The following PVALB variants were observed in gnomAD, a reference collection of about 807,000 sequenced individuals.
PVALB encodes the protein parvalbumin alpha.
In PVALB, 11 loss-of-function variants were observed where a neutral mutation model predicts 10.9. The ratio of observed to expected loss-of-function variants is 1.01; its 90% CI spans 0.63 to 1.67. The LOEUF (loss-of-function observed/expected upper bound fraction) is 1.67, where lower values mean the gene tolerates loss of function less well. PVALB is among the 40% of genes most tolerant of loss of function. PVALB has a pLI of 0.00. For synonymous variants in PVALB, 57 were observed against 50.7 expected (o/e 1.12, Z -0.53); for missense variants, 131 against 136.2 (o/e 0.96, Z 0.19).
chr22:36,815,567 C>T (rs1387752740), intron 1 of PVALB, among the ~76,000 whole-genome samples: 4 of 152,100 alleles, frequency 2.6e-5, no homozygotes, highest in Admixed American at 6.6e-5. Flanking sequence ...GAACCTTGTG[C>T]CCAGGAAGAC....
rs2001063 is a variant in PVALB, at chr22:36,800,927, C to G, written c.305-9G>C. On this transcript the variant is annotated splice_polypyrimidine_tract_variant and intron_variant, in intron 3 of 3. Transcript: ENST00000417718. ...CACCAGAGTGGAGAATTCTGCAGAACAAAATGACAAGGAAAGTGAGTCAGA... is the reference window on the plus strand; with the variant it reads ...CACCAGAGTGGAGAATTCTGCAGAAGAAAATGACAAGGAAAGTGAGTCAGA... The G allele has an allele frequency of 1.2e-6, 2 of 1,607,430 alleles. No homozygotes were observed. Among genetic ancestry groups the G allele is most frequent in the Admixed American group, 1.7e-5 (1 of 59,938 alleles).
In PVALB at chr22:36,806,571, C is replaced by T. The variant is rs568325826; in HGVS notation, c.305-5653G>A. On this transcript the variant is annotated intron_variant, in intron 3 of 3. Coordinates refer to ENST00000417718, the MANE Select transcript of PVALB (RefSeq NM_001315532.2). ...GTCGTGATGACCGGGATGAAGGAGC[C>T]GGCCTCCTGGTTTATCACCTCACCT... 1.4e-4 allele frequency among the ~76,000 whole-genome samples: 22 copies of T among 152,210 alleles called. No individual in the cohort carries two copies. In the East Asian group the frequency reaches 1.5e-3, roughly 11 times the overall value.
Position 36,813,756 on chromosome 22 carries a change from C to A in PVALB, c.195-1G>T. ...TGGGGAGAAGCCTTTTAGGATGAAT[C>A]TGGAGGAGAAAAGGGAGAAAGCCGG... On this transcript the variant is annotated splice_acceptor_variant, in intron 2 of 3. Transcript: ENST00000417718. LOFTEE classifies it high-confidence loss of function. 1 of 1,608,276 alleles carries A rather than the reference C, an allele frequency of 6.2e-7. No individual in the cohort carries two copies. Among genetic ancestry groups the A allele is most frequent in the Non-Finnish European group, 8.5e-7 (1 of 1,174,786 alleles).
intron 3 of PVALB, among the ~76,000 whole-genome samples, chr22:36,805,186 A>C (rs1938930728): frequency 6.6e-6 from 1 of 152,172 alleles, no homozygotes; most frequent in Non-Finnish European, 1.5e-5. Flanking sequence ...TGTTTGGAGC[A>C]AGCAAGCTGG....
At chr22:36,811,525 C>T (rs1939046240) in intron 3 of PVALB, 3 of 464,150 alleles carry the variant, frequency 6.5e-6, no homozygotes, top group Non-Finnish European at 1.3e-5. Flanking sequence ...TCTGCTGGAT[C>T]TGTTAGAAGA....
chr22:36,814,929 G>A (rs892222582), intron 2 of PVALB, among the ~76,000 whole-genome samples, 174 bp downstream of exon 2: 2 of 152,154 alleles, frequency 1.3e-5, no homozygotes, highest in Non-Finnish European at 2.9e-5. Context: ...AATAGCACCA[G>A]GAAGCCTTCT....
At chr22:36,802,066 G>C (rs1938873470) in intron 3 of PVALB, among the ~76,000 whole-genome samples, 1 of 152,166 alleles carries the variant, frequency 6.6e-6, no homozygotes, top group South Asian at 2.1e-4. Context: ...TTTGAGGTGA[G>C]CTGCGTCCTC....
intron 1 of PVALB, chr22:36,816,461 A>G (rs1939140127): frequency 6.4e-6 from 1 of 155,094 alleles, no homozygotes; most frequent in Non-Finnish European, 1.4e-5. Flanking sequence ...GAATCTCAGT[A>G]AAGGAACTAG....
intron 3 of PVALB, among the ~76,000 whole-genome samples, chr22:36,803,707 G>A (rs569561034): frequency 6.7e-6 from 1 of 149,364 alleles, no homozygotes; most frequent in Non-Finnish European, 1.5e-5. Flanking sequence ...ATGGATGGAT[G>A]GATGGGTGGG....
At chr22:36,801,014 G>T in intron 3 of PVALB, 96 bp from the exon 4 acceptor site, 2 of 1,239,378 alleles carry the variant, frequency 1.6e-6, no homozygotes, top group Non-Finnish European at 2.4e-6. Flanking sequence ...TGCTCTCTCT[G>T]GGTTCTTGCT....
chr22:36,814,982 A>G, intron 2 of PVALB, 121 bp downstream of exon 2: 2 of 1,322,908 alleles, frequency 1.5e-6, no homozygotes, highest in East Asian at 2.5e-5. Context: ...ACGCACGGTT[A>G]CTTTCTGTGA....
Position 36,815,243 on chromosome 22 carries a change from G to C in PVALB, c.62-8C>G, listed in dbSNP as rs201649417. 6.2e-7 allele frequency: 1 copy of C among 1,614,120 alleles called. No homozygotes were observed. Among genetic ancestry groups the C allele is most frequent in the Non-Finnish European group, 8.5e-7 (1 of 1,179,964 alleles). ...GGTCGAAGGAGTCGGTAGCTGTGGGGGGAAGAGCAGGGTCAAACAAGGACC... is the reference window on the plus strand; with the variant it reads ...GGTCGAAGGAGTCGGTAGCTGTGGGCGGAAGAGCAGGGTCAAACAAGGACC... On this transcript the variant is annotated splice_region_variant and splice_polypyrimidine_tract_variant and intron_variant, in intron 1 of 3. Transcript: ENST00000417718.
intron 3 of PVALB, among the ~76,000 whole-genome samples, chr22:36,809,970 C>T (rs1283329001): frequency 1.3e-5 from 2 of 151,754 alleles, no homozygotes; most frequent in Non-Finnish European, 2.9e-5. Context: ...CTGCAACCTC[C>T]GCCTCCTGGG....
intron 3 of PVALB, 63 bp downstream of exon 3, chr22:36,813,583 A>C: frequency 7.2e-7 from 1 of 1,379,988 alleles, no homozygotes; most frequent in South Asian, 1.2e-5. Flanking sequence ...ATAGCTTCAA[A>C]CTTTTCGCAT....
chr22:36,804,792 G>A (rs1297617643), intron 3 of PVALB, among the ~76,000 whole-genome samples: 4 of 152,106 alleles, frequency 2.6e-5, no homozygotes, highest in African/African-American at 9.7e-5. Context: ...AAGTCAGCCG[G>A]GAGTGGTGGC....
chr22:36,809,774 G>T (rs1048335031), intron 3 of PVALB, among the ~76,000 whole-genome samples: 5 of 151,006 alleles, frequency 3.3e-5, no homozygotes, highest in African/African-American at 9.7e-5. Flanking sequence ...CTGTGTAGAG[G>T]TTTATCCACT....
intron 3 of PVALB, among the ~76,000 whole-genome samples, chr22:36,812,442 G>A (rs1939060869): frequency 6.6e-6 from 1 of 152,158 alleles, no homozygotes; most frequent in African/African-American, 2.4e-5. Context: ...CCCTTGCGAA[G>A]GGACCTAGTT....
chr22:36,811,407 G>C, intron 3 of PVALB: 1 of 456,180 alleles, frequency 2.2e-6, no homozygotes, highest in Non-Finnish European at 4.6e-6. Context: ...TGAGGAAGCT[G>C]GGGCTCAGGG....
chr22:36,819,133 C>T (rs1418971102), upstream of PVALB, among the ~76,000 whole-genome samples: 1 of 152,164 alleles, frequency 6.6e-6, no homozygotes, highest in Non-Finnish European at 1.5e-5. Flanking sequence ...TCTCTGATGG[C>T]ATCACCAGAG....
Sources: allele counts gnomAD v4.1 joint callset (sites outside exome capture counted in the v4.1 genomes callset), GRCh38; gene constraint gnomAD v4.1.1; transcripts MANE v1.5; gene names NCBI Gene and HGNC (gene_info 2026-07-23, HGNC 2026-07-21).